TM2D1: variants seen among roughly 807,000 people sequenced by gnomAD.
TM2D1 encodes TM2 domain-containing protein 1.
A neutral mutation model predicts 28.4 loss-of-function variants in TM2D1; 15 were observed. The observed-to-expected ratio is 0.53, with a 90% confidence interval of 0.35 to 0.81. TM2D1 has a LOEUF of 0.81. Among genes scored for constraint, TM2D1 ranks in the 40% least tolerant of loss-of-function variants. The pLI is 0.01. For synonymous variants in TM2D1, 93 were observed against 96.2 expected (o/e 0.97, Z 0.20); for missense variants, 236 against 254.9 (o/e 0.93, Z 0.50).
intron 4 of TM2D1, chr1:61,696,292 A>G (rs910636688): frequency 2.6e-5 from 4 of 152,218 alleles, no homozygotes; most frequent in Non-Finnish European, 1.5e-5. Flanking sequence ...TAATCCCAGC[A>G]CTTTGGGAGG....
chr1:61,691,932 A>AAAAAAAAAAAAATATATAT, intron 5 of TM2D1, among the ~76,000 whole-genome samples: 3 of 76,404 alleles, frequency 3.9e-5, no homozygotes, highest in East Asian at 4.7e-4. Context: ...AAAAAAAAAA[A>AAAAAAAAAAAAATATATAT]ATATATATAT....
At chr1:61,685,545 T>A (rs1434307291) in intron 5 of TM2D1, among the ~76,000 whole-genome samples, 1 of 152,224 alleles carries the variant, frequency 6.6e-6, no homozygotes, top group Non-Finnish European at 1.5e-5. Flanking sequence ...CTAGACATTA[T>A]ACACTAACAG....
intron 4 of TM2D1, among the ~76,000 whole-genome samples, chr1:61,695,862 T>C (rs897519979): frequency 5.9e-5 from 9 of 152,244 alleles, no homozygotes; most frequent in African/African-American, 2.2e-4. Flanking sequence ...AAACATTCAC[T>C]TACCTAACAT....
intron 2 of TM2D1, among the ~76,000 whole-genome samples, chr1:61,714,921 T>C (rs142710986): frequency 1.3e-5 from 2 of 152,252 alleles, no homozygotes; most frequent in Non-Finnish European, 2.9e-5. Flanking sequence ...CAATATTTAA[T>C]CATTTCTAAT....
intron 5 of TM2D1, chr1:61,694,112 A>G (rs1236458737): frequency 6.6e-6 from 1 of 152,214 alleles, no homozygotes; most frequent in African/African-American, 2.4e-5. Flanking sequence ...TCTGTTCTAC[A>G]TTCTCAGATT....
In TM2D1 at chr1:61,703,244, T is replaced by C. The variant is rs1298610781; in HGVS notation, c.348-2219A>G. ...TATTACCATATTTATATATATTATA[T>C]ATGATCTAAAATATATAATTATATT... On this transcript the variant is annotated intron_variant, in intron 3 of 6. Coordinates refer to ENST00000606498, the MANE Select transcript of TM2D1 (RefSeq NM_032027.3). 2.0e-5 allele frequency among the ~76,000 whole-genome samples: 3 copies of C among 148,238 alleles called. No individual in the cohort carries two copies. The East Asian group carries it at 5.8e-4, about 29-fold the overall frequency.
rs993580914 is a variant in TM2D1, at chr1:61,709,347, G to A, written c.329C>T (p.Pro110Leu). The change falls in exon 3 of 7, where the codon CCC becomes CTC. Residue 110 changes from proline (P) to leucine (L), a missense_variant. Pro to Leu is a moderately conservative substitution (Grantham distance 98, BLOSUM62 -3). Transcript: ENST00000606498. ...FTGNEVGFFKPISCRNVNGYS... is the reference protein window; with the variant it reads ...FTGNEVGFFKLISCRNVNGYS... Reference sequence around the variant, plus strand: ...TACTTACACATTTCGGCAAGATATGGGCTTGAAAAAACCAACTTCGTTCCC... The same window carrying A: ...TACTTACACATTTCGGCAAGATATGAGCTTGAAAAAACCAACTTCGTTCCC... 3.7e-6 allele frequency: 6 copies of A among 1,609,442 alleles called. No homozygotes were observed. The African/African-American group carries it at 5.4e-5, about 14-fold the overall frequency.
intron 2 of TM2D1, among the ~76,000 whole-genome samples, chr1:61,720,879 C>A (rs1203992754): frequency 6.6e-6 from 1 of 151,978 alleles, no homozygotes. Context: ...CCCAAACTCC[C>A]CTCTGTAAAA....
intron 2 of TM2D1, among the ~76,000 whole-genome samples, chr1:61,719,126 C>A (rs984114986): frequency 3.3e-5 from 5 of 151,618 alleles, no homozygotes; most frequent in African/African-American, 9.7e-5. Flanking sequence ...CTAGAGTGCA[C>A]TGACACAATC....
intron 3 of TM2D1, among the ~76,000 whole-genome samples, chr1:61,703,293 T>C (rs951024498): frequency 6.8e-6 from 1 of 147,550 alleles, no homozygotes. Context: ...ATGAAGATGG[T>C]AATATGTTTT....
At chr1:61,710,130 G>A (rs568724949) in intron 2 of TM2D1, among the ~76,000 whole-genome samples, 3 of 152,066 alleles carry the variant, frequency 2.0e-5, no homozygotes, top group African/African-American at 4.8e-5. Flanking sequence ...CAGAACCTTC[G>A]ATTCTTTGTA....
At chr1:61,696,757 A>C (rs1029683533) in intron 4 of TM2D1, among the ~76,000 whole-genome samples, 1 of 151,892 alleles carries the variant, frequency 6.6e-6, no homozygotes, top group Admixed American at 6.6e-5. Context: ...ATGCCACCCT[A>C]TCCCTGCCCC....
chr1:61,698,529 T>A (rs926880000), intron 4 of TM2D1: 7 of 143,222 alleles, frequency 4.9e-5, no homozygotes, highest in Admixed American at 1.4e-4. Context: ...TTGCACTCTA[T>A]CCTGGGCAAC....
intron 3 of TM2D1, 100 bp downstream of exon 3, chr1:61,709,229 A>G (rs1317759502): frequency 5.4e-6 from 4 of 739,786 alleles, no homozygotes; most frequent in Non-Finnish European, 9.0e-6. Context: ...TAAAAGATAC[A>G]TTTTCAGGAT....
At chr1:61,700,528 G>T (rs1253778431) in intron 4 of TM2D1, among the ~76,000 whole-genome samples, 1 of 152,186 alleles carries the variant, frequency 6.6e-6, no homozygotes, top group African/African-American at 2.4e-5. Context: ...TGTTCTGAAA[G>T]AAGTGCATAG....
intron 5 of TM2D1, among the ~76,000 whole-genome samples, chr1:61,690,205 C>T (rs950779167): frequency 6.6e-6 from 1 of 151,950 alleles, no homozygotes; most frequent in Admixed American, 6.6e-5. Context: ...GCCTGTAATC[C>T]CAGCAGTTTG....
chr1:61,711,806 T>C (rs1284032152), intron 2 of TM2D1, among the ~76,000 whole-genome samples: 1 of 152,190 alleles, frequency 6.6e-6, no homozygotes, highest in African/African-American at 2.4e-5. Flanking sequence ...TTTGATTAGT[T>C]ATATAGTAGA....
At chr1:61,715,665 A>C (rs1398283229) in intron 2 of TM2D1, among the ~76,000 whole-genome samples, 5 of 150,078 alleles carry the variant, frequency 3.3e-5, no homozygotes, top group East Asian at 3.9e-4. Context: ...AAAAAAAAAA[A>C]AAAAAAAAAA....
chr1:61,707,846 G>A (rs893668121), intron 3 of TM2D1, among the ~76,000 whole-genome samples: 1 of 151,924 alleles, frequency 6.6e-6, no homozygotes. Flanking sequence ...CCTTTTTAAG[G>A]TTCAATGCAT....
Sources: gnomAD v4.1 joint callset for allele counts (sites outside exome capture counted in the v4.1 genomes callset) on GRCh38, gnomAD v4.1.1 for gene constraint, MANE v1.5 for transcripts, NCBI Gene and HGNC (gene_info 2026-07-23, HGNC 2026-07-21) for gene names.